TANGO6: variants seen among roughly 807,000 people sequenced by gnomAD.
TANGO6 encodes transport and Golgi organization protein 6 homolog.
TANGO6 carries 90 observed loss-of-function variants against 114.2 expected under a neutral mutation model. The ratio of observed to expected loss-of-function variants is 0.79; its 90% CI spans 0.66 to 0.94. The LOEUF (loss-of-function observed/expected upper bound fraction) is 0.94, where lower values mean the gene tolerates loss of function less well. Ranked by LOEUF, TANGO6 falls within the 40% of genes least tolerant of loss-of-function variation. TANGO6 has a pLI of 0.00. For missense variants in TANGO6, 1,274 were observed against 1,315.3 expected (o/e 0.97, Z 0.49); for synonymous variants, 477 against 509.8 (o/e 0.94, Z 0.87).
intron 17 of TANGO6, among the ~76,000 whole-genome samples, chr16:69,064,432 A>C (rs968722111): frequency 6.6e-6 from 1 of 152,116 alleles, no homozygotes; most frequent in African/African-American, 2.4e-5. Context: ...AGAGTGCCCT[A>C]AAGCAAACTG....
intron 14 of TANGO6, among the ~76,000 whole-genome samples, chr16:68,943,614 C>T (rs1963380702): frequency 6.6e-6 from 1 of 152,084 alleles, no homozygotes; most frequent in African/African-American, 2.4e-5. Flanking sequence ...ATCTGCCCTC[C>T]TTGGCCTCCC....
intron 17 of TANGO6, among the ~76,000 whole-genome samples, chr16:69,073,572 G>T (rs556023358): frequency 6.6e-6 from 1 of 152,198 alleles, no homozygotes; most frequent in Non-Finnish European, 1.5e-5. Flanking sequence ...AGGCAATAGC[G>T]GTGGAGAGTC....
intron 11 of TANGO6, chr16:68,909,649 T>A: frequency 3.3e-6 from 1 of 300,856 alleles, no homozygotes; most frequent in African/African-American, 2.1e-5. Flanking sequence ...TTGTCTTAAA[T>A]GTTTATATAT....
intron 14 of TANGO6, among the ~76,000 whole-genome samples, chr16:68,971,242 T>C (rs1400469074): frequency 6.6e-6 from 1 of 152,084 alleles, no homozygotes; most frequent in Non-Finnish European, 1.5e-5. Context: ...CCTGCCAGAA[T>C]TGCAGTTGTG....
chr16:68,936,091 G>C (rs999277395), intron 14 of TANGO6, among the ~76,000 whole-genome samples: 1 of 152,082 alleles, frequency 6.6e-6, no homozygotes, highest in Non-Finnish European at 1.5e-5. Flanking sequence ...GGCTTAGGTG[G>C]GAGGATCACT....
intron 14 of TANGO6, among the ~76,000 whole-genome samples, chr16:68,934,138 G>A (rs115035590): frequency 0.029 from 4,383 of 151,750 alleles, 227 homozygotes; most frequent in African/African-American, 0.1. Context: ...TAACTCCTGG[G>A]CTCAAGCAGT....
intron 15 of TANGO6, among the ~76,000 whole-genome samples, chr16:68,985,979 G>A (rs1156388583): frequency 6.6e-6 from 1 of 152,164 alleles, no homozygotes; most frequent in Non-Finnish European, 1.5e-5. Context: ...ACCTGTCAGG[G>A]GAGGTGGGTG....
chr16:68,940,811 T>C (rs1963345748), intron 14 of TANGO6, among the ~76,000 whole-genome samples: 1 of 152,194 alleles, frequency 6.6e-6, no homozygotes, highest in Admixed American at 6.5e-5. Flanking sequence ...TATATTCTAA[T>C]AACAGGTATA....
rs1963420968 is a variant in TANGO6, at chr16:68,947,063, G to A, written c.2701+16768G>A. 2.0e-5 allele frequency among the ~76,000 whole-genome samples: 3 copies of A among 152,044 alleles called. No individual in the cohort carries two copies. In the South Asian group the frequency reaches 6.2e-4, roughly 32 times the overall value. ...GCAAATAATTTGAACCATGTTCTTG[G>A]CCTCTTAATCTTAATCTTAATCTTA... On this transcript the variant is annotated intron_variant, in intron 14 of 17. Coordinates refer to ENST00000261778, the MANE Select transcript of TANGO6 (RefSeq NM_024562.2).
At position 68,927,630 on chromosome 16, in the gene TANGO6, C is replaced by T. The variant is rs766969246; in HGVS notation, c.2190C>T (p.Asn730=). The change falls in exon 13 of 18, where the codon AAC becomes AAT. Residue 730 remains asparagine (N), a synonymous_variant. Transcript: ENST00000261778. ...TGCCTCTGTTGGAGAAGGTATCCAA[C>T]ACATACCCTGATCCGGTCATCCAAG... ...QLLPLLEKVS[N]TYPDPVIQEL... The T allele has an allele frequency of 2.7e-5, 44 of 1,613,884 alleles. No individual in the cohort carries two copies. The highest frequency in any genetic ancestry group is 1.7e-4 in the Admixed American group (10 of 59,988).
intron 13 of TANGO6, 35 bp from the exon 14 acceptor site, chr16:68,930,203 G>T: frequency 6.5e-7 from 1 of 1,540,820 alleles, no homozygotes; most frequent in South Asian, 1.2e-5. Context: ...CTTGTTCTTT[G>T]TAAATCTTAT....
intron 4 of TANGO6, among the ~76,000 whole-genome samples, chr16:68,869,560 T>G (rs1231856723): frequency 6.6e-6 from 1 of 152,218 alleles, no homozygotes. Context: ...TCTTCTGACT[T>G]GCTTTACTCA....
intron 17 of TANGO6, among the ~76,000 whole-genome samples, chr16:69,043,224 A>G (rs1295336252): frequency 6.6e-6 from 1 of 151,940 alleles, no homozygotes; most frequent in Non-Finnish European, 1.5e-5. Context: ...AGACTCTGTA[A>G]GTGCACACAC....
chr16:68,884,542 A>T (rs1024549722), intron 7 of TANGO6, among the ~76,000 whole-genome samples: 4 of 152,186 alleles, frequency 2.6e-5, no homozygotes, highest in Admixed American at 2.6e-4. Flanking sequence ...TTTCAGAAAG[A>T]CCATGTCCCA....
intron 9 of TANGO6, among the ~76,000 whole-genome samples, chr16:68,904,307 A>T (rs1348166730): frequency 6.6e-6 from 1 of 152,126 alleles, no homozygotes; most frequent in Non-Finnish European, 1.5e-5. Flanking sequence ...TGAATACAGT[A>T]CTTCATTTTC....
chr16:68,976,170 G>A (rs886735893), intron 15 of TANGO6, among the ~76,000 whole-genome samples: 3 of 152,148 alleles, frequency 2.0e-5, no homozygotes, highest in Admixed American at 2.0e-4. Context: ...CTGGCCTCAA[G>A]CAGTCTTCCC....
chr16:69,012,998 A>G (rs1959226738), intron 15 of TANGO6, among the ~76,000 whole-genome samples: 1 of 152,232 alleles, frequency 6.6e-6, no homozygotes, highest in Admixed American at 6.5e-5. Context: ...CTAGGAAATA[A>G]TAGTGGGTAT....
chr16:68,894,938 T>C, intron 7 of TANGO6, among the ~76,000 whole-genome samples: 1 of 152,090 alleles, frequency 6.6e-6, no homozygotes, highest in East Asian at 1.9e-4. Flanking sequence ...TCTATGTGGA[T>C]TGTGAATGGA....
intron 1 of TANGO6, among the ~76,000 whole-genome samples, chr16:68,855,066 G>A (rs958608415): frequency 8.7e-5 from 13 of 150,076 alleles, no homozygotes; most frequent in Admixed American, 2.7e-4. Flanking sequence ...GTCCAATGGC[G>A]TGATCTCAGC....
Sources: gnomAD v4.1 joint callset for allele counts (sites outside exome capture counted in the v4.1 genomes callset) on GRCh38, gnomAD v4.1.1 for gene constraint, MANE v1.5 for transcripts, NCBI Gene and HGNC (gene_info 2026-07-23, HGNC 2026-07-21) for gene names.